Variants in ORC3 observed in about 807,000 individuals in gnomAD.
ORC3 encodes the protein homolog of latheo, Drosophila.
In ORC3, 78 loss-of-function variants were observed where a neutral mutation model predicts 100.7. The ratio of observed to expected loss-of-function variants is 0.77; its 90% CI spans 0.65 to 0.94. ORC3 has a LOEUF of 0.94. Ranked by LOEUF, ORC3 falls within the 40% of genes least tolerant of loss-of-function variation. The pLI is 0.00. For synonymous variants in ORC3, 295 were observed against 289.3 expected (o/e 1.02, Z -0.20); for missense variants, 789 against 823.9 (o/e 0.96, Z 0.52).
Position 87,601,879 on chromosome 6 carries a change from G to A in ORC3, c.175G>A (p.Glu59Lys), listed in dbSNP as rs1204964656. The A allele has an allele frequency of 4.5e-6, 7 of 1,568,778 alleles. No homozygotes were observed. In the South Asian group the frequency reaches 7.8e-5, roughly 17 times the overall value. The change falls in exon 3 of 20, where the codon GAG (glutamate) becomes AAG (lysine). Residue 59 changes from glutamate (E) to lysine (K), a missense_variant and splice_region_variant. Coordinates refer to ENST00000392844, the MANE Select transcript of ORC3 (RefSeq NM_012381.4). Reference protein sequence around the residue: ...LIWQQMKSENERLQEELNKNL... With the variant: ...LIWQQMKSENKRLQEELNKNL... The stretch of plus-strand genomic sequence containing the variant: ...ATGGCAGCAGATGAAATCTGAAAAT[G>A]AGGTGAATACTTTTTTTAATAATTT...
chr6:87,677,147 T>C, the ORC3 span, among the ~76,000 whole-genome samples: 1 of 151,400 alleles, frequency 6.6e-6, no homozygotes, highest in African/African-American at 2.4e-5. Context: ...CTGAAAGTTA[T>C]TGTATGTGGT....
At chr6:87,650,364 C>T (rs1397463366) in intron 13 of ORC3, among the ~76,000 whole-genome samples, 1 of 152,110 alleles carries the variant, frequency 6.6e-6, no homozygotes, top group Non-Finnish European at 1.5e-5. Flanking sequence ...CTTTTACACT[C>T]TCTTTTATTT....
At chr6:87,668,391 T>C (rs1271603745), downstream of ORC3, among the ~76,000 whole-genome samples, 1 of 152,198 alleles carries the variant, frequency 6.6e-6, no homozygotes, top group Non-Finnish European at 1.5e-5. Context: ...GATTTTGAAA[T>C]ATTTGCATTA....
intron 2 of ORC3, among the ~76,000 whole-genome samples, chr6:87,597,712 T>C (rs867919083): frequency 2.6e-4 from 35 of 136,142 alleles, no homozygotes; most frequent in South Asian, 8.9e-4. Context: ...CACACACACA[T>C]ATATATATAA....
At chr6:87,596,883 A>G (rs1274112018) in intron 2 of ORC3, among the ~76,000 whole-genome samples, 1 of 152,204 alleles carries the variant, frequency 6.6e-6, no homozygotes, top group African/African-American at 2.4e-5. Flanking sequence ...ACATATAATT[A>G]CAGGTAATAC....
chr6:87,649,963 T>C (rs1412066552), intron 13 of ORC3, among the ~76,000 whole-genome samples: 1 of 152,158 alleles, frequency 6.6e-6, no homozygotes, highest in African/African-American at 2.4e-5. Context: ...TGGGCTTTTT[T>C]TTCATTATGT....
the ORC3 span, chr6:87,675,388 C>A: frequency 1.6e-6 from 1 of 616,182 alleles, no homozygotes; most frequent in Non-Finnish European, 2.9e-6. Flanking sequence ...GGTATTAATA[C>A]AGGTAGCAAA....
At position 87,663,273 on chromosome 6, in the gene ORC3, A is replaced by G; in HGVS notation, c.1833+129A>G. The G allele has an allele frequency of 4.8e-6, 3 of 622,106 alleles. No individual in the cohort carries two copies. The South Asian group carries it at 9.4e-5, about 19-fold the overall frequency. 38.5% of individuals were successfully genotyped at this position (622,106 alleles called of 1,614,324 possible). A position where few individuals can be genotyped will look rare whatever the true frequency, so the allele number is the denominator to read the frequency against. On this transcript the variant is annotated intron_variant, in intron 17 of 19. Coordinates refer to ENST00000392844, the MANE Select transcript of ORC3 (RefSeq NM_012381.4). ...GGCAATTCAGGGTTGCACGTCTCATATATTTTTAAAAATTCTTTAGACTGT... is the reference window on the plus strand; with the variant it reads ...GGCAATTCAGGGTTGCACGTCTCATGTATTTTTAAAAATTCTTTAGACTGT...
intron 11 of ORC3, among the ~76,000 whole-genome samples, chr6:87,632,284 G>C (rs1271815070): frequency 6.6e-6 from 1 of 152,220 alleles, no homozygotes; most frequent in Non-Finnish European, 1.5e-5. Context: ...TTAATCATTT[G>C]TGATGTTTTT....
intron 11 of ORC3, among the ~76,000 whole-genome samples, chr6:87,625,690 A>G (rs189317633): frequency 2.6e-5 from 4 of 152,190 alleles, no homozygotes; most frequent in Admixed American, 2.6e-4. Context: ...GAAGCTCTTT[A>G]GTTTAATTAG....
chr6:87,675,967 A>T, the ORC3 span: 2 of 1,567,958 alleles, frequency 1.3e-6, no homozygotes, highest in South Asian at 2.3e-5. Flanking sequence ...ACATTTGTAA[A>T]ATGCCTTATT....
downstream of ORC3, among the ~76,000 whole-genome samples, chr6:87,669,873 G>C (rs906496561): frequency 6.6e-6 from 1 of 152,208 alleles, no homozygotes. Flanking sequence ...GTACAATGTA[G>C]TTTCAAATGA....
chr6:87,620,704 T>C (rs1333052010), intron 9 of ORC3, among the ~76,000 whole-genome samples: 3 of 152,194 alleles, frequency 2.0e-5, no homozygotes, highest in African/African-American at 7.2e-5. Flanking sequence ...AACTCAAGAC[T>C]ATCCAAATGT....
chr6:87,598,345 C>A (rs1229101899), intron 2 of ORC3, among the ~76,000 whole-genome samples: 3 of 152,088 alleles, frequency 2.0e-5, no homozygotes, highest in Admixed American at 2.0e-4. Flanking sequence ...TTTGATTAAT[C>A]CCCTCAGCAA....
At chr6:87,649,093 C>T (rs1221697059) in intron 13 of ORC3, among the ~76,000 whole-genome samples, 2 of 152,118 alleles carry the variant, frequency 1.3e-5, no homozygotes, top group African/African-American at 2.4e-5. Context: ...TGAGCTAGTT[C>T]TTTTTCCCTG....
At chr6:87,661,553 C>G (rs185393604) in intron 16 of ORC3, among the ~76,000 whole-genome samples, 1 of 152,222 alleles carries the variant, frequency 6.6e-6, no homozygotes, top group Non-Finnish European at 1.5e-5. Context: ...CTGGCCACAT[C>G]GGGACAAAGC....
the ORC3 span, among the ~76,000 whole-genome samples, chr6:87,676,230 C>A: frequency 4.0e-5 from 6 of 151,570 alleles, no homozygotes; most frequent in Admixed American, 1.3e-4. Flanking sequence ...TCTGGGAGGC[C>A]GAGGCGGGCG....
In ORC3 at chr6:87,625,386, T is replaced by G. The variant is rs1779825247; in HGVS notation, c.1185+3373T>G. On this transcript the variant is annotated intron_variant, in intron 11 of 19. Transcript: ENST00000392844. The stretch of plus-strand genomic sequence containing the variant: ...TTCCCTGACTTTTTAATGACCGCCA[T>G]TCTGACTGGTGTGAGATGGTATCTC... Among the ~76,000 whole-genome samples, 5 of 152,332 alleles carry G rather than the reference T, an allele frequency of 3.3e-5. No homozygotes were observed. The East Asian group carries it at 9.6e-4, about 29-fold the overall frequency.
At chr6:87,645,450 A>G (rs1768686050) in intron 13 of ORC3, among the ~76,000 whole-genome samples, 2 of 152,202 alleles carry the variant, frequency 1.3e-5, no homozygotes, top group Admixed American at 6.5e-5. Context: ...TTTGAATAAG[A>G]CAATTTCTTA....
Sources: gnomAD v4.1 joint callset for allele counts (sites outside exome capture counted in the v4.1 genomes callset) on GRCh38, gnomAD v4.1.1 for gene constraint, MANE v1.5 for transcripts, NCBI Gene and HGNC (gene_info 2026-07-23, HGNC 2026-07-21) for gene names.